PRSS12: variants seen among roughly 807,000 people sequenced by gnomAD.
PRSS12 encodes the protein serine protease 12, also known as neurotrypsin.
A neutral mutation model predicts 104.4 loss-of-function variants in PRSS12; 85 were observed. The observed-to-expected ratio is 0.81, with a 90% CI of 0.68 to 0.98. The LOEUF (loss-of-function observed/expected upper bound fraction) is 0.98. PRSS12 is among the 50% of genes least tolerant of loss of function. PRSS12 has a pLI of 0.00. For synonymous variants in PRSS12, 454 were observed against 425.2 expected, an observed-to-expected ratio of 1.07 and a Z score of -0.83; for missense variants, 1,141 against 1,139.2, an observed-to-expected ratio of 1.00 and a Z score of -0.02.
intron 6 of PRSS12, among the ~76,000 whole-genome samples, chr4:118,314,405 C>T (rs1485888360): frequency 1.3e-5 from 2 of 152,010 alleles, no homozygotes; most frequent in Non-Finnish European, 2.9e-5. Flanking sequence ...GGCTTCTCTT[C>T]CTTCTATTTT....
In PRSS12 at chr4:118,303,982, CT is replaced by C. The variant is rs145470102; in HGVS notation, c.1631+4453del. The C allele has an allele frequency of 6.6e-3, 999 of 151,834 alleles. 25 individuals are homozygous for C. The East Asian group carries it at 0.084, about 13-fold the overall frequency. The allele number at this position is 151,834 out of a possible 1,614,324, so 9.4% of individuals were successfully genotyped here. A position where few individuals can be genotyped will look rare whatever the true frequency, so the allele number is the denominator to read the frequency against. On this transcript the variant is annotated intron_variant, in intron 8 of 12. Transcript: ENST00000296498. ...CATTGGTCTAATTAAGAAATGAGAG[CT>C]TTGGTAAACTTTTATTTTCTATGTT...
Position 118,281,587 on chromosome 4 carries a change from C to T in PRSS12, c.*349G>A. 2.9e-6 allele frequency: 1 copy of T among 339,572 alleles called. No individual in the cohort carries two copies. The highest frequency in any genetic ancestry group is 2.7e-5 in the South Asian group (1 of 36,896). 21.0% of individuals were successfully genotyped at this position (339,572 alleles called of 1,614,324 possible). Reference sequence around the variant, plus strand: ...TGGGTATTTAATATGATTTCAGACACCACTGATTCAATTAAAAGGGGTTCT... The same window carrying T: ...TGGGTATTTAATATGATTTCAGACATCACTGATTCAATTAAAAGGGGTTCT... On this transcript the variant is annotated 3_prime_UTR_variant, in exon 13 of 13. Transcript: ENST00000296498.
intron 4 of PRSS12, among the ~76,000 whole-genome samples, chr4:118,327,885 G>C (rs915829193): frequency 4.6e-5 from 7 of 152,100 alleles, no homozygotes; most frequent in African/African-American, 1.7e-4. Context: ...TAGGAAGCTT[G>C]CCAGCTACCA....
At chr4:118,345,166 T>C (rs1724326519) in intron 1 of PRSS12, among the ~76,000 whole-genome samples, 1 of 152,172 alleles carries the variant, frequency 6.6e-6, no homozygotes, top group African/African-American at 2.4e-5. Context: ...AACCTATCCT[T>C]ACCCTGTTAG....
At position 118,295,798 on chromosome 4, in the gene PRSS12, A is replaced by G; in HGVS notation, c.1896T>C (p.Ile632=). The change falls in exon 10 of 13, where the codon ATT becomes ATC. Residue 632 remains isoleucine, a synonymous_variant. Coordinates refer to ENST00000296498, the MANE Select transcript of PRSS12 (RefSeq NM_003619.4). ...TTTACCTTAAAGAATTTTTCCCACC[A>G]ATGATCCGCTTCTGCCGACGGTGCA... ...RLLHRRQKRI[I]GGKNSLRGGW... 6.2e-7 allele frequency: 1 copy of G among 1,614,054 alleles called. No homozygotes were observed. Among genetic ancestry groups the G allele is most frequent in the Non-Finnish European group, 8.5e-7 (1 of 1,179,904 alleles).
chr4:118,352,520 G>C lies in PRSS12; in HGVS notation c.201C>G (p.Arg67=), dbSNP rs1307099168. 1 of 1,463,052 alleles carries C rather than the reference G, an allele frequency of 6.8e-7. No individual in the cohort carries two copies. Among genetic ancestry groups the C allele is most frequent in the Non-Finnish European group, 9.1e-7 (1 of 1,103,394 alleles). The allele number at this position is 1,463,052 out of a possible 1,614,324, so 90.6% of individuals were successfully genotyped here. A position where few individuals can be genotyped will look rare whatever the true frequency, so the allele number is the denominator to read the frequency against. Residue 67 remains arginine (R), a synonymous_variant, in exon 1 of 13, where the codon CGC becomes CGG. Transcript: ENST00000296498. ...RPPPPLPRFP[R]PPRALPAQRP... is the part of the protein sequence containing the mutation. ...GCTGGGCAGGGAGCGCCCGCGGGGG[G>C]CGCGGGAAGCGCGGGAGAGGCGGCG... is the stretch of plus-strand genomic sequence containing the variant.
intron 11 of PRSS12, among the ~76,000 whole-genome samples, chr4:118,288,402 T>C (rs1743057641): frequency 6.6e-6 from 1 of 152,208 alleles, no homozygotes; most frequent in African/African-American, 2.4e-5. Context: ...TGATGAAACA[T>C]ATATTAGGCA....
intron 9 of PRSS12, among the ~76,000 whole-genome samples, chr4:118,296,664 AG>A (rs1743262127): frequency 6.6e-6 from 1 of 152,114 alleles, no homozygotes; most frequent in South Asian, 2.1e-4. Context: ...TGCCAAGTAC[AG>A]GAAGACCTAA....
intron 10 of PRSS12, among the ~76,000 whole-genome samples, chr4:118,295,269 T>C (rs1164794386): frequency 2.0e-5 from 3 of 152,216 alleles, no homozygotes; most frequent in Non-Finnish European, 4.4e-5. Context: ...TCTAAAGATT[T>C]GCTTATAGGC....
chr4:118,332,188 T>C (rs1723942311), intron 3 of PRSS12, among the ~76,000 whole-genome samples: 1 of 152,328 alleles, frequency 6.6e-6, no homozygotes, highest in South Asian at 2.1e-4. Flanking sequence ...TTGTATAGTA[T>C]TATGGTGGTG....
At position 118,352,329 on chromosome 4, in the gene PRSS12, C is replaced by A. The variant is rs1384908294; in HGVS notation, c.392G>T (p.Arg131Leu). 6.3e-7 allele frequency: 1 copy of A among 1,588,866 alleles called. No individual in the cohort carries two copies. The highest frequency in any genetic ancestry group is 8.5e-7 in the Non-Finnish European group (1 of 1,171,822). The change falls in exon 1 of 13, where the codon CGA becomes CTA. Residue 131 changes from arginine (R) to leucine (L), a missense_variant. Coordinates refer to ENST00000296498, the MANE Select transcript of PRSS12 (RefSeq NM_003619.4). ...CCGACAAAAGTTGTGGCGCTGTCCT[C>A]GCAGCTGAGCCCAGCTCGCTGGGGG... is the stretch of plus-strand genomic sequence containing the variant. ...RSPPASWAQLRGQRHNFCRSP... is the reference protein window; with the variant it reads ...RSPPASWAQLLGQRHNFCRSP...
At chr4:118,304,015 T>C (rs1421556790) in intron 8 of PRSS12, 1 of 151,910 alleles carries the variant, frequency 6.6e-6, no homozygotes, top group Non-Finnish European at 1.5e-5. Context: ...TGTTTAATAA[T>C]TATTTAATAA....
In PRSS12 at chr4:118,325,233, T is replaced by C. The variant is rs1197878752; in HGVS notation, c.971+6483A>G. 2.6e-5 allele frequency among the ~76,000 whole-genome samples: 4 copies of C among 151,504 alleles called. 1 individual carries two copies. Among genetic ancestry groups the C allele is most frequent in the Admixed American group, 6.6e-5 (1 of 15,224 alleles). ...TGTGAGAGCAACAGACACTGCAGGCTACTGCGGGATGAGAGACGTAGGTTG... is the reference window on the plus strand; with the variant it reads ...TGTGAGAGCAACAGACACTGCAGGCCACTGCGGGATGAGAGACGTAGGTTG... On this transcript the variant is annotated intron_variant, in intron 4 of 12. Coordinates refer to ENST00000296498, the MANE Select transcript of PRSS12 (RefSeq NM_003619.4).
In PRSS12 at chr4:118,352,267, C is replaced by G; in HGVS notation, c.454G>C (p.Gly152Arg). Reference protein sequence around the residue: ...DGAGRPWCFYGDARGKVDWGY... With the variant: ...DGAGRPWCFYRDARGKVDWGY... ...CAGTCCACCTTGCCACGGGCGTCTC[C>G]GTAGAAACACCAGGGTCTGCCCGCG... Residue 152 changes from glycine (G) to arginine (R), a missense_variant, in exon 1 of 13, where the codon GGA becomes CGA. Coordinates refer to ENST00000296498, the MANE Select transcript of PRSS12 (RefSeq NM_003619.4). 1 of 1,611,146 alleles carries G rather than the reference C, an allele frequency of 6.2e-7. No homozygotes were observed. The highest frequency in any genetic ancestry group is 8.5e-7 in the Non-Finnish European group (1 of 1,179,504).
rs775101308 is a variant in PRSS12, at chr4:118,338,174, A to C, written c.641+2T>G. 5.6e-6 allele frequency: 9 copies of C among 1,613,780 alleles called. No individual in the cohort carries two copies. Among genetic ancestry groups the C allele is most frequent in the Admixed American group, 1.7e-5 (1 of 59,962 alleles). On this transcript the variant is annotated splice_donor_variant, in intron 2 of 12. Coordinates refer to ENST00000296498, the MANE Select transcript of PRSS12 (RefSeq NM_003619.4). LOFTEE classifies it high-confidence loss of function. ...GATTTGGTCAGGGATGGGTACACTCACCCCAGCTGCAGCTGGTGACAAATG... is the reference window on the plus strand; with the variant it reads ...GATTTGGTCAGGGATGGGTACACTCCCCCCAGCTGCAGCTGGTGACAAATG...
intron 7 of PRSS12, among the ~76,000 whole-genome samples, chr4:118,312,090 A>G (rs575931582): frequency 1.3e-5 from 2 of 152,336 alleles, no homozygotes; most frequent in East Asian, 3.9e-4. Flanking sequence ...AGATGGAATA[A>G]AAACATGTAT....
chr4:118,304,743 A>T (rs1743497910), intron 8 of PRSS12, among the ~76,000 whole-genome samples: 1 of 152,018 alleles, frequency 6.6e-6, no homozygotes, highest in Non-Finnish European at 1.5e-5. Context: ...TTTGTCAGAC[A>T]TTATGTAATG....
intron 5 of PRSS12, 48 bp from the exon 6 acceptor site, chr4:118,316,371 A>C (rs1230301329): frequency 1.2e-6 from 2 of 1,611,102 alleles, no homozygotes; most frequent in Non-Finnish European, 1.7e-6. Flanking sequence ...ACTTTCAAAA[A>C]AAGGCAAAAC....
chr4:118,318,520 C>A lies in PRSS12; in HGVS notation c.1008G>T (p.Gly336=), dbSNP rs1049753734. The A allele has an allele frequency of 6.2e-7, 1 of 1,614,108 alleles. No individual in the cohort carries two copies. Among genetic ancestry groups the A allele is most frequent in the Admixed American group, 1.7e-5 (1 of 60,006 alleles). The change falls in exon 5 of 13, where the codon GGG becomes GGT. Residue 336 remains glycine, a synonymous_variant. Transcript: ENST00000296498. ...IAKAWHQAYF[G]EGSGPVMLDE... ...CCAACATAACTGGGCCAGACCCTTC[C>A]CCAAAATATGCCTGATGCCATGCTT...
Sources: allele counts gnomAD v4.1 joint callset (sites outside exome capture counted in the v4.1 genomes callset), GRCh38; gene constraint gnomAD v4.1.1; transcripts MANE v1.5; gene names NCBI Gene and HGNC (gene_info 2026-07-23, HGNC 2026-07-21).